MORC3: variants seen among roughly 807,000 people sequenced by gnomAD.
MORC3 encodes MORC family CW-type zinc finger protein 3.
A neutral mutation model predicts 109.1 loss-of-function variants in MORC3; 31 were observed. The ratio of observed to expected loss-of-function variants is 0.28; its 90% CI spans 0.21 to 0.38. The LOEUF (loss-of-function observed/expected upper bound fraction) is 0.38, where lower values mean the gene tolerates loss of function less well. Among genes scored for constraint, MORC3 ranks in the 10% least tolerant of loss-of-function variants. MORC3 has a pLI of 1.00. For missense variants in MORC3, 867 were observed against 1,135.8 expected (o/e 0.76, Z 3.40); for synonymous variants, 395 against 380.7 (o/e 1.04, Z -0.44).
intron 15 of MORC3, 120 bp from the exon 16 acceptor site, chr21:36,372,254 A>AT: frequency 9.9e-6 from 8 of 809,502 alleles, no homozygotes; most frequent in Non-Finnish European, 1.4e-5. Flanking sequence ...TTCTTTGTGT[A>AT]TTTGTTTTTT....
intron 1 of MORC3, among the ~76,000 whole-genome samples, chr21:36,323,625 A>G (rs905196665): frequency 1.3e-5 from 2 of 152,134 alleles, no homozygotes; most frequent in Non-Finnish European, 2.9e-5. Context: ...TTCTTTAATT[A>G]TAATTTGGCT....
intron 1 of MORC3, 81 bp downstream of exon 1, chr21:36,320,384 G>A: frequency 1.6e-6 from 2 of 1,234,670 alleles, no homozygotes; most frequent in Non-Finnish European, 2.0e-6. Flanking sequence ...AGTGGGCGGT[G>A]GCGGCTTGTG....
intron 9 of MORC3, among the ~76,000 whole-genome samples, chr21:36,352,606 A>G (rs1183193449): frequency 6.6e-6 from 1 of 152,072 alleles, no homozygotes. Flanking sequence ...TCATGTTGGC[A>G]CTCAAAAAGT....
intron 1 of MORC3, 171 bp downstream of exon 1, chr21:36,320,474 C>T: frequency 5.2e-6 from 3 of 571,474 alleles, no homozygotes; most frequent in Non-Finnish European, 7.6e-6. Flanking sequence ...AACAGCTCGG[C>T]TGCGGGCCGG....
At chr21:36,338,998 G>C in intron 5 of MORC3, 77 bp downstream of exon 5, 1 of 1,466,634 alleles carries the variant, frequency 6.8e-7, no homozygotes, top group Non-Finnish European at 9.4e-7. Flanking sequence ...TTCATCTCTC[G>C]TTACACACAG....
chr21:36,325,034 A>G (rs533199211), intron 1 of MORC3, among the ~76,000 whole-genome samples: 4 of 152,266 alleles, frequency 2.6e-5, no homozygotes, highest in Admixed American at 6.5e-5. Flanking sequence ...TAAGTGAGAC[A>G]CTTAAAGCTG....
At chr21:36,337,475 G>C (rs556583611) in intron 3 of MORC3, among the ~76,000 whole-genome samples, 1 of 152,010 alleles carries the variant, frequency 6.6e-6, no homozygotes, top group East Asian at 1.9e-4. Flanking sequence ...TGTAGATTTG[G>C]TTTCCTTATT....
chr21:36,370,519 T>C (rs564985311), intron 15 of MORC3, among the ~76,000 whole-genome samples: 294 of 151,060 alleles, frequency 1.9e-3, no homozygotes, highest in African/African-American at 6.8e-3. Flanking sequence ...CCTTTAGTTA[T>C]GGAGTCATTC....
intron 1 of MORC3, among the ~76,000 whole-genome samples, chr21:36,325,909 A>G (rs947064566): frequency 3.9e-5 from 6 of 152,078 alleles, no homozygotes; most frequent in African/African-American, 1.2e-4. Flanking sequence ...GTATCATTCT[A>G]TTTTATTATT....
In MORC3 at chr21:36,373,272, G is replaced by A. The variant is rs374724239; in HGVS notation, c.2666+741G>A. On this transcript the variant is annotated intron_variant, in intron 16 of 16. Transcript: ENST00000400485. ...GGAGAATCGCTTGAACCTAGGAGGTGGAGGTTGCAGTGAGCCGAGATTGCG... is the reference window on the plus strand; with the variant it reads ...GGAGAATCGCTTGAACCTAGGAGGTAGAGGTTGCAGTGAGCCGAGATTGCG... Among the ~76,000 whole-genome samples the A allele has an allele frequency of 3.9e-5, 6 of 152,104 alleles. No homozygotes were observed. The East Asian group carries it at 1.2e-3, about 29-fold the overall frequency.
At chr21:36,349,546 GTAGGT>G in intron 9 of MORC3, 138 bp downstream of exon 9, 1 of 492,450 alleles carries the variant, frequency 2.0e-6, no homozygotes. Context: ...TTGTGATGGT[GTAGGT>G]TACAATTCCT....
At chr21:36,343,301 G>T (rs1282760699) in intron 6 of MORC3, among the ~76,000 whole-genome samples, 7 of 151,894 alleles carry the variant, frequency 4.6e-5, no homozygotes, top group Non-Finnish European at 8.8e-5. Context: ...CACCATGTTG[G>T]CCAGACTGGT....
intron 5 of MORC3, among the ~76,000 whole-genome samples, chr21:36,340,304 A>G (rs1216197459): frequency 6.6e-6 from 1 of 151,134 alleles, no homozygotes; most frequent in Admixed American, 6.6e-5. Context: ...ACTATAGTAC[A>G]GTAGTACTAT....
chr21:36,366,635 A>T (rs2085784980), intron 14 of MORC3, among the ~76,000 whole-genome samples: 1 of 152,080 alleles, frequency 6.6e-6, no homozygotes, highest in Non-Finnish European at 1.5e-5. Flanking sequence ...ATTGTGTTGT[A>T]GTATAGATGG....
At chr21:36,374,471 C>T (rs972533836) in intron 16 of MORC3, among the ~76,000 whole-genome samples, 7 of 152,116 alleles carry the variant, frequency 4.6e-5, no homozygotes, top group Admixed American at 3.3e-4. Context: ...TTACCTCTTA[C>T]ACAACTATGG....
intron 9 of MORC3, among the ~76,000 whole-genome samples, chr21:36,354,407 C>T (rs146999415): frequency 0.015 from 2,225 of 145,066 alleles, 53 homozygotes; most frequent in African/African-American, 0.053. Flanking sequence ...CAGGTTCAAG[C>T]GATTCTTCTG....
chr21:36,345,075 C>G (rs755511393), intron 8 of MORC3, 44 bp downstream of exon 8: 9 of 1,538,700 alleles, frequency 5.8e-6, no homozygotes, highest in Middle Eastern at 2.1e-4. Context: ...CTATTTTCCA[C>G]AAAAGTTAGG....
chr21:36,375,050 A>T, intron 16 of MORC3, 93 bp from the exon 17 acceptor site: 1 of 1,278,560 alleles, frequency 7.8e-7, no homozygotes, highest in Non-Finnish European at 1.1e-6. Context: ...ATATTATTCT[A>T]CGGAGATTTG....
intron 16 of MORC3, among the ~76,000 whole-genome samples, chr21:36,373,609 G>A (rs2085895881): frequency 6.6e-6 from 1 of 150,726 alleles, no homozygotes; most frequent in Admixed American, 6.6e-5. Flanking sequence ...GGCAACAAGA[G>A]CAAAACTCCG....
Sources: allele counts gnomAD v4.1 joint callset (sites outside exome capture counted in the v4.1 genomes callset), GRCh38; gene constraint gnomAD v4.1.1; transcripts MANE v1.5; gene names NCBI Gene and HGNC (gene_info 2026-07-23, HGNC 2026-07-21).